The following SSUH2 variants were observed in gnomAD, a reference collection of about 807,000 sequenced individuals.
SSUH2 encodes the protein protein SSUH2 homolog.
Under a neutral mutation model 55.3 loss-of-function variants are expected in SSUH2, and 47 were observed. The ratio of observed to expected loss-of-function variants is 0.85; its 90% CI spans 0.67 to 1.08. The LOEUF is 1.08. Ranked by LOEUF, SSUH2 falls within the 50% of genes least tolerant of loss-of-function variation. SSUH2 has a pLI of 0.00. For synonymous variants in SSUH2, 212 were observed against 191.5 expected, an observed-to-expected ratio of 1.11 and a Z score of -0.89; for missense variants, 535 against 490.7, an observed-to-expected ratio of 1.09 and a Z score of -0.85.
chr3:8,681,206 C>A (rs1013326939), intron 1 of SSUH2, among the ~76,000 whole-genome samples: 3 of 148,728 alleles, frequency 2.0e-5, no homozygotes, highest in South Asian at 2.1e-4. Context: ...AGAGCCAGCC[C>A]CTCTTCCCCC....
At chr3:8,660,953 G>C (rs1053942118) in intron 6 of SSUH2, among the ~76,000 whole-genome samples, 1 of 152,206 alleles carries the variant, frequency 6.6e-6, no homozygotes, top group African/African-American at 2.4e-5. Flanking sequence ...AACCCAGACA[G>C]AGCAAGGGGA....
chr3:8,650,095 A>T (rs1275111054), intron 7 of SSUH2, among the ~76,000 whole-genome samples: 1 of 152,080 alleles, frequency 6.6e-6, no homozygotes, highest in East Asian at 1.9e-4. Context: ...ATCTCTACAC[A>T]AACTGTTCCC....
chr3:8,629,452 G>A (rs1046686492), intron 7 of SSUH2: 4 of 567,634 alleles, frequency 7.0e-6, no homozygotes, highest in South Asian at 4.8e-5. Context: ...AATTAAAATC[G>A]AACTGTCAAA....
intron 2 of SSUH2, among the ~76,000 whole-genome samples, chr3:8,678,965 T>A (rs1192125987): frequency 4.2e-5 from 4 of 95,486 alleles, no homozygotes; most frequent in East Asian, 5.4e-4. Context: ...GGGACGCCCA[T>A]CGCAGGGCGG....
intron 5 of SSUH2, 111 bp downstream of exon 5, chr3:8,631,938 A>G (rs545985388): frequency 1.2e-6 from 1 of 837,100 alleles, no homozygotes; most frequent in East Asian, 2.6e-5. Flanking sequence ...CAAGGCTCCA[A>G]GCAGAAGACC....
At chr3:8,649,565 C>G (rs1309581507), upstream of SSUH2, among the ~76,000 whole-genome samples, 1 of 152,240 alleles carries the variant, frequency 6.6e-6, no homozygotes, top group Admixed American at 6.5e-5. Flanking sequence ...ACAGACACCT[C>G]GAGCTCTCTC....
chr3:8,626,190 C>T (rs765067627), intron 9 of SSUH2, 39 bp downstream of exon 9: 2 of 1,554,908 alleles, frequency 1.3e-6, no homozygotes, highest in South Asian at 2.3e-5. Context: ...GTCCCTCAGC[C>T]ACCCCCGCAT....
chr3:8,645,041 G>T (rs13099767), upstream of SSUH2, among the ~76,000 whole-genome samples: 51,840 of 151,986 alleles, frequency 0.34, 9,453 homozygotes, highest in East Asian at 0.53. Flanking sequence ...AGGGGCACTG[G>T]TATCATGCCC....
intron 4 of SSUH2, among the ~76,000 whole-genome samples, chr3:8,633,097 A>G (rs150600981): frequency 6.5e-4 from 98 of 150,002 alleles, no homozygotes; most frequent in African/African-American, 2.3e-3. Context: ...CATGCGTTCT[A>G]TGATGCCTGG....
chr3:8,656,497 T>C (rs1341465149), intron 7 of SSUH2, among the ~76,000 whole-genome samples: 1 of 152,208 alleles, frequency 6.6e-6, no homozygotes, highest in Non-Finnish European at 1.5e-5. Context: ...AGGCAGTCAC[T>C]GACTGTGACC....
intron 1 of SSUH2, among the ~76,000 whole-genome samples, chr3:8,638,540 G>A (rs900486439): frequency 2.6e-5 from 4 of 152,178 alleles, no homozygotes; most frequent in Non-Finnish European, 4.4e-5. Context: ...CATGGGTTCT[G>A]ACATGTCACC....
In SSUH2 at chr3:8,633,838, CCTGTGGACT is replaced by C. The variant is rs768988508; in HGVS notation, c.210-52_210-44del. The C allele has an allele frequency of 1.2e-5, 20 of 1,612,876 alleles. No individual in the cohort carries two copies. The East Asian group carries it at 4.2e-4, about 34-fold the overall frequency. ...GAGAGGCGGGGGCTTCTGGGAAGGG[CCTGTGGACT>C]CACGCGGGCCAGCCAGCCTCCTCAA... On this transcript the variant is annotated intron_variant, in intron 3 of 11. Coordinates refer to ENST00000544814, the MANE Select transcript of SSUH2 (RefSeq NM_001256748.3).
chr3:8,627,475 T>C (rs1031758672), intron 8 of SSUH2: 6 of 403,156 alleles, frequency 1.5e-5, no homozygotes, highest in African/African-American at 1.0e-4. Context: ...TCACACTCTT[T>C]CCACATATAT....
intron 3 of SSUH2, 46 bp from the exon 4 acceptor site, chr3:8,633,841 G>A (rs888625995): frequency 4.3e-6 from 7 of 1,613,122 alleles, no homozygotes; most frequent in African/African-American, 2.7e-5. Context: ...GGAAGGGCCT[G>A]TGGACTCACG....
intron 5 of SSUH2, among the ~76,000 whole-genome samples, chr3:8,669,595 G>A (rs1199200368): frequency 6.6e-6 from 1 of 152,156 alleles, no homozygotes; most frequent in Non-Finnish European, 1.5e-5. Flanking sequence ...CTTTGAGTGG[G>A]GAAAGCAGAT....
chr3:8,621,690 G>A (rs1176807308), intron 11 of SSUH2, among the ~76,000 whole-genome samples: 1 of 152,154 alleles, frequency 6.6e-6, no homozygotes, highest in Non-Finnish European at 1.5e-5. Flanking sequence ...TAAGACCCCG[G>A]TGACTGAGTT....
At chr3:8,678,163 A>G (rs921927517) in intron 2 of SSUH2, among the ~76,000 whole-genome samples, 1 of 151,742 alleles carries the variant, frequency 6.6e-6, no homozygotes, top group Non-Finnish European at 1.5e-5. Flanking sequence ...GGGGGTTTCC[A>G]CTTTCTGCCA....
intron 7 of SSUH2, among the ~76,000 whole-genome samples, chr3:8,629,018 G>C (rs1476627192): frequency 6.6e-6 from 1 of 152,176 alleles, no homozygotes; most frequent in South Asian, 2.1e-4. Flanking sequence ...ACCATGCCCA[G>C]CTAATTTTTT....
chr3:8,680,721 A>G (rs1181687591), intron 1 of SSUH2, among the ~76,000 whole-genome samples: 3 of 151,970 alleles, frequency 2.0e-5, no homozygotes, highest in Admixed American at 1.3e-4. Flanking sequence ...GCCTTGGTAT[A>G]TTATGAAGGA....
Sources: gnomAD v4.1 joint callset for allele counts (sites outside exome capture counted in the v4.1 genomes callset) on GRCh38, gnomAD v4.1.1 for gene constraint, MANE v1.5 for transcripts, NCBI Gene and HGNC (gene_info 2026-07-23, HGNC 2026-07-21) for gene names.